The following FGF12 variants were observed in gnomAD, a reference collection of about 807,000 sequenced individuals.
FGF12 encodes the protein fibroblast growth factor 12B.
Under a neutral mutation model 23.6 loss-of-function variants are expected in FGF12, and 14 were observed. The ratio of observed to expected loss-of-function variants is 0.59; its 90% CI spans 0.39 to 0.93. FGF12 has a LOEUF of 0.93. Ranked by LOEUF, FGF12 falls within the 40% of genes least tolerant of loss-of-function variation. The pLI is 0.00. For missense variants in FGF12, 175 were observed against 217.8 expected, an observed-to-expected ratio of 0.80 and a Z score of 1.24; for synonymous variants, 62 against 77.3, an observed-to-expected ratio of 0.80 and a Z score of 1.04.
intron 2 of FGF12, among the ~76,000 whole-genome samples, chr3:192,437,751 A>C (rs1722073460): frequency 6.6e-6 from 1 of 151,966 alleles, no homozygotes; most frequent in Non-Finnish European, 1.5e-5. Flanking sequence ...ATTACTTGCT[A>C]GTAACCCCCA....
chr3:192,239,980 G>C (rs1388745957), intron 4 of FGF12, among the ~76,000 whole-genome samples: 2 of 152,142 alleles, frequency 1.3e-5, no homozygotes, highest in Non-Finnish European at 2.9e-5. Context: ...ATGGGTGCAG[G>C]GGGGAAGATC....
intron 2 of FGF12, among the ~76,000 whole-genome samples, chr3:192,485,606 G>A (rs1723611159): frequency 6.6e-6 from 1 of 151,986 alleles, no homozygotes; most frequent in East Asian, 1.9e-4. Flanking sequence ...CTTATTAACT[G>A]TCTTCCAAAA....
At chr3:192,148,094 G>A (rs1386262705) in intron 5 of FGF12, among the ~76,000 whole-genome samples, 1 of 152,136 alleles carries the variant, frequency 6.6e-6, no homozygotes, top group Non-Finnish European at 1.5e-5. Context: ...ATATGATCCA[G>A]CAATTCCAAC....
rs1717096219 is a variant in FGF12, at chr3:192,331,165, A to C, written c.228+4196T>G. On this transcript the variant is annotated intron_variant, in intron 4 of 5. Coordinates refer to ENST00000445105, the MANE Select transcript of FGF12 (RefSeq NM_004113.6). ...GCAAATCAAAACAAAATGGGTTATC[A>C]TCTCACACCTGTTAGGATGGCCACT... Among the ~76,000 whole-genome samples, 3 of 152,250 alleles carry C rather than the reference A, an allele frequency of 2.0e-5. No individual in the cohort carries two copies. In the South Asian group the frequency reaches 6.2e-4, roughly 32 times the overall value.
intron 2 of FGF12, among the ~76,000 whole-genome samples, chr3:192,665,336 C>A (rs908819914): frequency 1.3e-5 from 2 of 151,958 alleles, no homozygotes; most frequent in Non-Finnish European, 2.9e-5. Flanking sequence ...TAAGTCGAAG[C>A]GAGAGAACAG....
rs745969780 is a variant in FGF12 at position 192,598,145 on chromosome 3, T to C, written c.13+129036A>G. On this transcript the variant is annotated intron_variant, in intron 2 of 5. Transcript: ENST00000445105. ...ATCAGCCCTTCCTGGCAATGCACAT[T>C]ACTGCATAATTGCAGATGTACTACA... Among the ~76,000 whole-genome samples, 44 of 152,290 alleles carry C rather than the reference T, an allele frequency of 2.9e-4. 1 individual carries two copies. The highest frequency in any genetic ancestry group is 6.2e-4 in the South Asian group (3 of 4,824).
intron 4 of FGF12, among the ~76,000 whole-genome samples, chr3:192,256,601 A>C (rs1027011807): frequency 6.6e-6 from 1 of 152,124 alleles, no homozygotes; most frequent in Non-Finnish European, 1.5e-5. Context: ...TGGCAAAAAA[A>C]CTTTTTAACA....
At chr3:192,451,468 T>C (rs1052322896) in intron 2 of FGF12, among the ~76,000 whole-genome samples, 1 of 152,200 alleles carries the variant, frequency 6.6e-6, no homozygotes, top group Non-Finnish European at 1.5e-5. Context: ...ACCAGCCTAC[T>C]GTACCAGGAA....
chr3:192,283,030 T>A (rs1260505283), intron 4 of FGF12: 2 of 152,042 alleles, frequency 1.3e-5, no homozygotes, highest in African/African-American at 4.8e-5. Context: ...AATCAAGAAA[T>A]GCTGTATGTG....
intron 4 of FGF12, among the ~76,000 whole-genome samples, chr3:192,331,463 A>G (rs1300631136): frequency 6.6e-6 from 1 of 152,136 alleles, no homozygotes; most frequent in African/African-American, 2.4e-5. Flanking sequence ...ATGAATAGAT[A>G]AACAGAATGC....
At chr3:192,502,313 A>C (rs1724155681) in intron 2 of FGF12, among the ~76,000 whole-genome samples, 1 of 152,244 alleles carries the variant, frequency 6.6e-6, no homozygotes, top group Non-Finnish European at 1.5e-5. Context: ...AGCAGACTTA[A>C]AAATTTTTCC....
intron 2 of FGF12, among the ~76,000 whole-genome samples, chr3:192,720,596 C>G (rs887776737): frequency 3.9e-5 from 6 of 152,156 alleles, no homozygotes; most frequent in Non-Finnish European, 8.8e-5. Context: ...GTCATCTTAG[C>G]CTCAAACTCT....
intron 2 of FGF12, among the ~76,000 whole-genome samples, chr3:192,614,211 T>G (rs987139763): frequency 6.6e-6 from 1 of 151,940 alleles, no homozygotes; most frequent in Non-Finnish European, 1.5e-5. Flanking sequence ...TTTACAAATT[T>G]TTTCCTAAGG....
intron 4 of FGF12, among the ~76,000 whole-genome samples, chr3:192,261,508 T>A (rs1712749600): frequency 6.6e-6 from 1 of 152,194 alleles, no homozygotes. Context: ...GATTAACACC[T>A]TGGACTCCAT....
chr3:192,228,921 G>GT (rs1405892490), intron 4 of FGF12, among the ~76,000 whole-genome samples: 5 of 152,014 alleles, frequency 3.3e-5, no homozygotes, highest in South Asian at 4.2e-4. Context: ...GTTCAATTAC[G>GT]TTTTTTTAAA....
intron 2 of FGF12, among the ~76,000 whole-genome samples, chr3:192,626,278 G>T (rs1715163894): frequency 6.6e-6 from 1 of 152,050 alleles, no homozygotes; most frequent in South Asian, 2.1e-4. Flanking sequence ...AATTTTCCAG[G>T]CAGTCAATTA....
At chr3:192,490,147 C>T (rs1020453271) in intron 2 of FGF12, among the ~76,000 whole-genome samples, 6 of 151,906 alleles carry the variant, frequency 3.9e-5, no homozygotes, top group African/African-American at 1.5e-4. Flanking sequence ...TAGCTCAGGA[C>T]TTCTAAAGAA....
chr3:192,371,811 T>C (rs1719245328), intron 2 of FGF12, among the ~76,000 whole-genome samples: 1 of 152,088 alleles, frequency 6.6e-6, no homozygotes, highest in Non-Finnish European at 1.5e-5. Flanking sequence ...AATTACAGAG[T>C]TAATCCATGC....
intron 4 of FGF12, among the ~76,000 whole-genome samples, chr3:192,242,453 T>C (rs1358240943): frequency 1.3e-5 from 2 of 152,004 alleles, no homozygotes; most frequent in Non-Finnish European, 2.9e-5. Context: ...AGAACCAAAT[T>C]GTTCCAGTTG....
Sources: allele counts gnomAD v4.1 joint callset (sites outside exome capture counted in the v4.1 genomes callset), GRCh38; gene constraint gnomAD v4.1.1; transcripts MANE v1.5; gene names NCBI Gene and HGNC (gene_info 2026-07-23, HGNC 2026-07-21).